HCN1: variants seen among roughly 807,000 people sequenced by gnomAD.
HCN1 encodes potassium/sodium hyperpolarization-activated cyclic nucleotide-gated channel 1.
Under a neutral mutation model 78.9 loss-of-function variants are expected in HCN1, and 13 were observed. The observed-to-expected ratio is 0.16, with a 90% CI of 0.11 to 0.26. HCN1 has a LOEUF of 0.26. Among genes scored for constraint, HCN1 ranks in the 10% least tolerant of loss-of-function variants. The probability of loss-of-function intolerance (pLI) is 1.00; values close to 1 mark genes in which losing one functional copy is unlikely to be tolerated. For synonymous variants in HCN1, 552 were observed against 455.5 expected (o/e 1.21, Z -2.70); for missense variants, 810 against 1,154.3 (o/e 0.70, Z 4.32).
intron 2 of HCN1, chr5:45,559,661 G>A (rs1468859806): frequency 6.6e-6 from 1 of 152,226 alleles, no homozygotes; most frequent in Admixed American, 6.5e-5. Flanking sequence ...TCTACTCATA[G>A]TGAAGATGCT....
intron 3 of HCN1, among the ~76,000 whole-genome samples, chr5:45,426,679 T>G (rs575220985): frequency 3.9e-5 from 6 of 152,260 alleles, no homozygotes; most frequent in African/African-American, 1.4e-4. Context: ...CAGTCTCAGG[T>G]ATGTGTTTAT....
intron 6 of HCN1, among the ~76,000 whole-genome samples, chr5:45,277,771 G>A (rs964274603): frequency 6.6e-6 from 1 of 152,070 alleles, no homozygotes; most frequent in African/African-American, 2.4e-5. Flanking sequence ...CCCATACAAC[G>A]ATCTGGCTGG....
chr5:45,394,955 A>T (rs1034039405), intron 4 of HCN1, among the ~76,000 whole-genome samples: 1 of 152,232 alleles, frequency 6.6e-6, no homozygotes, highest in Admixed American at 6.5e-5. Context: ...GAATTATTAC[A>T]AAATCATAAC....
chr5:45,371,947 A>ATATAATATAATTATATAATATATT (rs1561127616), intron 4 of HCN1, among the ~76,000 whole-genome samples: 1 of 95,288 alleles, frequency 1.0e-5, no homozygotes, highest in East Asian at 2.8e-4. Context: ...TATAATATAT[A>ATATAATATAATTATATAATATATT]ATATAATATA....
chr5:45,635,210 C>T (rs1745335413), intron 2 of HCN1, among the ~76,000 whole-genome samples: 2 of 152,010 alleles, frequency 1.3e-5, no homozygotes, highest in South Asian at 4.1e-4. Context: ...TCACAAAGCA[C>T]TTTCATATGA....
chr5:45,678,875 T>C (rs1739648916), intron 1 of HCN1, among the ~76,000 whole-genome samples: 1 of 151,958 alleles, frequency 6.6e-6, no homozygotes, highest in Non-Finnish European at 1.5e-5. Flanking sequence ...CAAATGAGCA[T>C]CTGAAGTAGT....
Position 45,303,784 on chromosome 5 carries a change from T to G in HCN1, c.1433A>C (p.Asn478Thr). ...GGCAGTCACAAAATTAGGATCCGCA[T>G]TAGCAAATAAAGGCATTGTAGCCAC... Reference protein sequence around the residue: ...KLVATMPLFANADPNFVTAML... With the variant: ...KLVATMPLFATADPNFVTAML... The change falls in exon 6 of 8, where the codon AAT becomes ACT. Residue 478 changes from asparagine (N) to threonine (T), a missense_variant. By Grantham distance (65) the Asn-to-Thr change is moderately conservative. This residue lies in a region of HCN1 where 100 missense variants were observed against 126.8 expected (regional missense o/e 0.79). Transcript: ENST00000303230. 6.2e-7 allele frequency: 1 copy of G among 1,613,666 alleles called. No homozygotes were observed. The highest frequency in any genetic ancestry group is 8.5e-7 in the Non-Finnish European group (1 of 1,179,724).
At chr5:45,676,626 A>C (rs1207030194) in intron 1 of HCN1, among the ~76,000 whole-genome samples, 1 of 151,806 alleles carries the variant, frequency 6.6e-6, no homozygotes, top group Non-Finnish European at 1.5e-5. Context: ...AATACAGGAA[A>C]GAATAGAAGG....
At chr5:45,635,720 C>T (rs994089934) in intron 2 of HCN1, among the ~76,000 whole-genome samples, 5 of 152,036 alleles carry the variant, frequency 3.3e-5, no homozygotes, top group Non-Finnish European at 4.4e-5. Flanking sequence ...CACACATCAG[C>T]AAGACAGAAA....
At chr5:45,653,769 G>C (rs1401871967) in intron 1 of HCN1, among the ~76,000 whole-genome samples, 1 of 152,022 alleles carries the variant, frequency 6.6e-6, no homozygotes, top group Non-Finnish European at 1.5e-5. Context: ...GGGGACTATT[G>C]TGGGTGGGGG....
intron 2 of HCN1, among the ~76,000 whole-genome samples, chr5:45,600,084 G>A (rs774783947): frequency 3.9e-5 from 6 of 151,918 alleles, no homozygotes; most frequent in African/African-American, 7.3e-5. Flanking sequence ...TTAGATGTGT[G>A]GTCTTGTCAT....
At chr5:45,517,152 T>G (rs191854094) in intron 2 of HCN1, among the ~76,000 whole-genome samples, 1 of 152,124 alleles carries the variant, frequency 6.6e-6, no homozygotes, top group East Asian at 1.9e-4. Context: ...TGTGTGACTT[T>G]AATACAGACT....
intron 3 of HCN1, among the ~76,000 whole-genome samples, chr5:45,459,873 TCTC>T (rs1266840539): frequency 3.3e-5 from 5 of 152,076 alleles, no homozygotes; most frequent in Non-Finnish European, 7.4e-5. Context: ...TGCCTTTTCT[TCTC>T]CTGAAAAATA....
At chr5:45,553,898 G>A (rs913565431) in intron 2 of HCN1, among the ~76,000 whole-genome samples, 1 of 151,834 alleles carries the variant, frequency 6.6e-6, no homozygotes, top group East Asian at 1.9e-4. Context: ...AACTGTACCT[G>A]GAAGTCACAT....
intron 2 of HCN1, among the ~76,000 whole-genome samples, chr5:45,535,597 C>CA (rs952216136): frequency 8.0e-5 from 12 of 149,870 alleles, no homozygotes; most frequent in South Asian, 2.1e-4. Flanking sequence ...GACACCATTT[C>CA]AAAAAAAACA....
chr5:45,295,568 A>G (rs982931257), intron 6 of HCN1, among the ~76,000 whole-genome samples: 6 of 152,038 alleles, frequency 3.9e-5, no homozygotes, highest in African/African-American at 1.4e-4. Flanking sequence ...ATCTAGAAAC[A>G]TACTCCTGCA....
At chr5:45,300,194 T>A (rs1480025648) in intron 6 of HCN1, among the ~76,000 whole-genome samples, 2 of 152,062 alleles carry the variant, frequency 1.3e-5, no homozygotes, top group Non-Finnish European at 2.9e-5. Flanking sequence ...TCTTTTTAAA[T>A]GTTTCTTCTA....
intron 5 of HCN1, among the ~76,000 whole-genome samples, chr5:45,336,048 T>G (rs1382196083): frequency 6.6e-6 from 1 of 151,892 alleles, no homozygotes; most frequent in Non-Finnish European, 1.5e-5. Flanking sequence ...ATTTAAACTA[T>G]CCCAAACAAT....
intron 2 of HCN1, among the ~76,000 whole-genome samples, chr5:45,512,511 C>A (rs1400092859): frequency 6.6e-6 from 1 of 151,964 alleles, no homozygotes; most frequent in Non-Finnish European, 1.5e-5. Context: ...TATTGGTAAT[C>A]ATCTAGTCAA....
Sources: gnomAD v4.1 joint callset for allele counts (sites outside exome capture counted in the v4.1 genomes callset) on GRCh38, gnomAD v4.1.1 for gene constraint, gnomAD v4.1.1 regional missense constraint, MANE v1.5 for transcripts, NCBI Gene and HGNC (gene_info 2026-07-23, HGNC 2026-07-21) for gene names.